CCND3: variants seen among roughly 807,000 people sequenced by gnomAD.
The protein encoded by CCND3 is G1/S-specific cyclin-D3.
A neutral mutation model predicts 28.7 loss-of-function variants in CCND3; 9 were observed. The observed-to-expected ratio is 0.31, with a 90% CI of 0.19 to 0.55. The LOEUF is 0.55. Among genes scored for constraint, CCND3 ranks in the 20% least tolerant of loss-of-function variants. The pLI is 0.93. For synonymous variants in CCND3, 164 were observed against 163.9 expected (o/e 1.00, Z 0.00); for missense variants, 315 against 385.8 (o/e 0.82, Z 1.54).
At position 41,936,118 on chromosome 6, in the gene CCND3, G is replaced by A. The variant is rs1192286982; in HGVS notation, c.712-11C>T. 5 of 1,565,824 alleles carry A rather than the reference G, an allele frequency of 3.2e-6. No homozygotes were observed. Among genetic ancestry groups the A allele is most frequent in the Non-Finnish European group, 4.3e-6 (5 of 1,155,264 alleles). On this transcript the variant is annotated splice_polypyrimidine_tract_variant and intron_variant, in intron 4 of 4. Transcript: ENST00000372991. This position sits in a 1 kb window ranked among gnomAD's most constrained non-coding sequence, Gnocchi z 4.4. ...GGCCCGCAGGCAGTCCTGGGAACAT[G>A]GGAGAAGAGTGAGGAGCAAACACTC...
chr6:41,996,396 C>T (rs139551958), intron 1 of CCND3, among the ~76,000 whole-genome samples: 1,740 of 151,732 alleles, frequency 0.011, 31 homozygotes, highest in African/African-American at 0.037. Flanking sequence ...GTGATCCGCT[C>T]GCCTCGGCCT....
At chr6:42,003,162 CAA>C (rs55721061) in intron 1 of CCND3, among the ~76,000 whole-genome samples, 13 of 110,334 alleles carry the variant, frequency 1.2e-4, no homozygotes, top group African/African-American at 4.4e-4. Flanking sequence ...AACAGCGTGT[CAA>C]AAAAAAAAAA....
intron 1 of CCND3, among the ~76,000 whole-genome samples, chr6:41,952,676 A>T (rs1776342743): frequency 6.6e-6 from 1 of 152,228 alleles, no homozygotes; most frequent in Non-Finnish European, 1.5e-5. Flanking sequence ...GGTAAGTGCC[A>T]TGGACACCTG....
chr6:42,023,421 T>C lies in CCND3; in HGVS notation c.-46+25080A>G, dbSNP rs184129311. On this transcript the variant is annotated intron_variant, in intron 1 of 4. Coordinates refer to the CCND3 transcript ENST00000372988. ...GAGTTCAATGTTAATGAGTTAACTA[T>C]ATATTCAATAAGGTGTCTTCAAACA... Among the ~76,000 whole-genome samples, 285 of 152,342 alleles carry C rather than the reference T, an allele frequency of 1.9e-3. 2 individuals carry two copies. The highest frequency in any genetic ancestry group is 3.4e-3 in the Middle Eastern group (1 of 294).
intron 1 of CCND3, among the ~76,000 whole-genome samples, chr6:41,953,794 G>A (rs1029110668): frequency 1.3e-5 from 2 of 152,046 alleles, no homozygotes; most frequent in African/African-American, 4.8e-5. Context: ...ATCAAATGTG[G>A]AGGTGGGTCT....
At position 41,935,739 on chromosome 6, in the gene CCND3, C is replaced by T. The variant is rs1582079357; in HGVS notation, c.*201G>A. On this transcript the variant is annotated 3_prime_UTR_variant, in exon 5 of 5. Transcript: ENST00000372991. ...TCAGATGCAGGGAGGAGGAGCTTGA[C>T]TAGCCACCGAAATGCAGACATGGCT... is the stretch of plus-strand genomic sequence containing the variant. The T allele has an allele frequency of 1.7e-6, 1 of 578,470 alleles. No homozygotes were observed. The highest frequency in any genetic ancestry group is 2.2e-5 in the South Asian group (1 of 45,788). The allele number at this position is 578,470 out of a possible 1,614,324, so 35.8% of individuals were successfully genotyped here.
intron 1 of CCND3, among the ~76,000 whole-genome samples, chr6:41,998,686 T>C (rs2127419959): frequency 6.7e-6 from 1 of 148,880 alleles, no homozygotes; most frequent in South Asian, 2.1e-4. Context: ...GCATTATTAT[T>C]TTTTTTTTTT....
chr6:41,964,258 G>A (rs1179256574), intron 1 of CCND3, among the ~76,000 whole-genome samples: 2 of 152,038 alleles, frequency 1.3e-5, no homozygotes, highest in Non-Finnish European at 2.9e-5. Context: ...TTCAGGAGAG[G>A]AGCACTTCCT....
chr6:41,936,534 TGCTGCCCA>T lies in CCND3; in HGVS notation c.711+17_711+24del. ...AGCACTACTTTATGAATGGAGAGGCTGCTGCCCAGCTACCCAGCACTCACCACTTCAGT... is the reference window on the plus strand; with the variant it reads ...AGCACTACTTTATGAATGGAGAGGCTGCTACCCAGCACTCACCACTTCAGT... On this transcript the variant is annotated intron_variant, in intron 4 of 4. Coordinates refer to ENST00000372991, the MANE Select transcript of CCND3 (RefSeq NM_001760.5). This position sits in a 1 kb window ranked among gnomAD's most constrained non-coding sequence, Gnocchi z 4.4. 1 of 1,613,056 alleles carries T rather than the reference TGCTGCCCA, an allele frequency of 6.2e-7. No homozygotes were observed. Among genetic ancestry groups the T allele is most frequent in the Non-Finnish European group, 8.5e-7 (1 of 1,179,434 alleles).
intron 1 of CCND3, among the ~76,000 whole-genome samples, chr6:42,046,180 T>G (rs1764538431): frequency 6.6e-6 from 1 of 152,080 alleles, no homozygotes; most frequent in African/African-American, 2.4e-5. Flanking sequence ...CCCAAACCTG[T>G]GGGGAGGGCC....
At chr6:41,959,491 T>A (rs1049449353) in intron 1 of CCND3, among the ~76,000 whole-genome samples, 6 of 151,594 alleles carry the variant, frequency 4.0e-5, no homozygotes, top group Non-Finnish European at 5.9e-5. Context: ...GAGACCATCC[T>A]GGCCAACATG....
intron 1 of CCND3, among the ~76,000 whole-genome samples, chr6:42,012,626 G>T (rs1763375151): frequency 6.6e-6 from 1 of 151,990 alleles, no homozygotes; most frequent in African/African-American, 2.4e-5. Context: ...AAAATAAAAT[G>T]ATGAGTGAAG....
chr6:42,043,150 T>G (rs1027618284), intron 1 of CCND3, among the ~76,000 whole-genome samples: 1 of 152,182 alleles, frequency 6.6e-6, no homozygotes, highest in Non-Finnish European at 1.5e-5. Flanking sequence ...TTTCAGCACT[T>G]TGGGAGGCCG....
intron 1 of CCND3, among the ~76,000 whole-genome samples, chr6:41,993,474 C>T (rs1436061491): frequency 3.5e-5 from 5 of 142,396 alleles, no homozygotes. Context: ...TGCAGTGGTA[C>T]CATCTCAACT....
intron 1 of CCND3, among the ~76,000 whole-genome samples, chr6:41,950,600 G>A (rs1388867700): frequency 1.3e-5 from 2 of 152,150 alleles, no homozygotes; most frequent in South Asian, 4.1e-4. Context: ...GATAGCTGTG[G>A]TCATTAACAA....
intron 1 of CCND3, among the ~76,000 whole-genome samples, chr6:41,952,811 AGT>A (rs58133117): frequency 0.012 from 1,744 of 150,808 alleles, 20 homozygotes; most frequent in African/African-American, 0.024. Flanking sequence ...AGTGAGTGTG[AGT>A]GTGTGTGTGT....
chr6:42,026,029 A>G (rs1763865560), intron 1 of CCND3, among the ~76,000 whole-genome samples: 1 of 152,170 alleles, frequency 6.6e-6, no homozygotes, highest in South Asian at 2.1e-4. Context: ...GAGCTCTACT[A>G]CGTATGTTCC....
At chr6:41,957,950 G>A (rs1405582107) in intron 1 of CCND3, among the ~76,000 whole-genome samples, 1 of 151,504 alleles carries the variant, frequency 6.6e-6, no homozygotes, top group African/African-American at 2.4e-5. Flanking sequence ...TTCCCAAAGT[G>A]CTGGGATTAC....
upstream of CCND3, among the ~76,000 whole-genome samples, chr6:41,943,189 G>A (rs1255810122): frequency 2.6e-5 from 4 of 151,864 alleles, no homozygotes; most frequent in African/African-American, 9.7e-5. Context: ...ATTATAAATT[G>A]TATTGTAGTT....
Sources: gnomAD v4.1 joint callset for allele counts (sites outside exome capture counted in the v4.1 genomes callset) on GRCh38, gnomAD v4.1.1 for gene constraint, Gnocchi (gnomAD v3.1) non-coding constraint, MANE v1.5 for transcripts, NCBI Gene and HGNC (gene_info 2026-07-23, HGNC 2026-07-21) for gene names.